Variants in TMEM248 observed in about 807,000 individuals in gnomAD.
TMEM248 encodes the protein transmembrane protein 248, also known as UPF0458 protein C7orf42.
Under a neutral mutation model 30.3 loss-of-function variants are expected in TMEM248, and 9 were observed. The ratio of observed to expected loss-of-function variants is 0.30; its 90% CI spans 0.18 to 0.52. TMEM248 has a LOEUF of 0.52. Among genes scored for constraint, TMEM248 ranks in the 20% least tolerant of loss-of-function variants. The pLI is 0.97. For synonymous variants in TMEM248, 184 were observed against 154.4 expected, an observed-to-expected ratio of 1.19 and a Z score of -1.42; for missense variants, 338 against 403.3, an observed-to-expected ratio of 0.84 and a Z score of 1.39.
chr7:66,922,849 G>T (rs1379190788), intron 1 of TMEM248, among the ~76,000 whole-genome samples: 2 of 151,458 alleles, frequency 1.3e-5, no homozygotes, highest in African/African-American at 4.8e-5. Context: ...GGGATTACAG[G>T]TGCCCGCCAC....
Position 66,921,327 on chromosome 7 carries a change from G to A in TMEM248, c.-153G>A, listed in dbSNP as rs1386690066. 6.6e-6 allele frequency: 1 copy of A among 150,976 alleles called. No individual in the cohort carries two copies. The highest frequency in any genetic ancestry group is 2.4e-5 in the African/African-American group (1 of 41,286). The allele number at this position is 150,976 out of a possible 1,614,324, so 9.4% of individuals were successfully genotyped here. A position where few individuals can be genotyped will look rare whatever the true frequency, so the allele number is the denominator to read the frequency against. On this transcript the variant is annotated 5_prime_UTR_variant, in exon 1 of 7. Coordinates refer to ENST00000341567, the MANE Select transcript of TMEM248 (RefSeq NM_017994.5). Reference sequence around the variant, plus strand: ...CCCGCGGAGCCAGACGCTGCCCCCGGCGCGGGGAGAAGATGGTGCCTAGCG... The same window carrying A: ...CCCGCGGAGCCAGACGCTGCCCCCGACGCGGGGAGAAGATGGTGCCTAGCG...
At chr7:66,950,174 C>G (rs948246700) in intron 4 of TMEM248, among the ~76,000 whole-genome samples, 2 of 149,696 alleles carry the variant, frequency 1.3e-5, no homozygotes, top group Non-Finnish European at 3.0e-5. Context: ...TTCAGTGAGC[C>G]GAGGTCACAC....
intron 1 of TMEM248, among the ~76,000 whole-genome samples, chr7:66,941,531 G>A (rs1410223280): frequency 6.7e-6 from 1 of 149,650 alleles, no homozygotes; most frequent in East Asian, 2.0e-4. Flanking sequence ...CTCTAGCCTG[G>A]GTGACAGAAC....
In TMEM248 at chr7:66,951,000, G is replaced by A; in HGVS notation, c.645G>A (p.Trp215Ter). The change falls in exon 5 of 7, where the codon TGG becomes TGA. Residue 215 changes from tryptophan (W) to a stop codon, truncating the protein, a stop_gained. Transcript: ENST00000341567. LOFTEE classifies it high-confidence loss of function. ...VPDTYSNATLWYKIFTTARDA... is the reference protein window; with the variant it reads ...VPDTYSNATL Reference sequence around the variant, plus strand: ...ACACGTACAGCAACGCCACGCTCTGGTACAAGATCTTCACAACTGCCAGAG... The same window carrying A: ...ACACGTACAGCAACGCCACGCTCTGATACAAGATCTTCACAACTGCCAGAG... The A allele has an allele frequency of 6.2e-7, 1 of 1,611,632 alleles. No homozygotes were observed. Among genetic ancestry groups the A allele is most frequent in the Non-Finnish European group, 8.5e-7 (1 of 1,179,302 alleles).
intron 1 of TMEM248, among the ~76,000 whole-genome samples, chr7:66,935,627 C>T (rs1791780887): frequency 6.6e-6 from 1 of 152,252 alleles, no homozygotes; most frequent in South Asian, 2.1e-4. Context: ...ACTACAACCT[C>T]TGCTTCCCAG....
At chr7:66,929,940 G>A (rs1425503558) in intron 1 of TMEM248, among the ~76,000 whole-genome samples, 6 of 151,990 alleles carry the variant, frequency 3.9e-5, no homozygotes, top group South Asian at 2.1e-4. Flanking sequence ...CGGGAGGATC[G>A]CTTGAGCCCA....
intron 4 of TMEM248, 134 bp downstream of exon 4, chr7:66,948,828 T>A: frequency 2.2e-6 from 2 of 922,938 alleles, no homozygotes; most frequent in Non-Finnish European, 3.1e-6. Flanking sequence ...TACTCGGACC[T>A]ATCTAAAGGA....
At chr7:66,928,893 T>A (rs781254770) in intron 1 of TMEM248, among the ~76,000 whole-genome samples, 7 of 152,132 alleles carry the variant, frequency 4.6e-5, no homozygotes, top group Non-Finnish European at 1.0e-4. Flanking sequence ...GTTCCGGTGA[T>A]CCCTCCACCT....
At chr7:66,938,958 A>G (rs982671569) in intron 1 of TMEM248, among the ~76,000 whole-genome samples, 9 of 152,346 alleles carry the variant, frequency 5.9e-5, no homozygotes, top group African/African-American at 2.2e-4. Flanking sequence ...ATAGACTAAC[A>G]CCCTATTAGT....
chr7:66,935,818 A>AT (rs1791787335), intron 1 of TMEM248, among the ~76,000 whole-genome samples: 1 of 152,168 alleles, frequency 6.6e-6, no homozygotes, highest in East Asian at 1.9e-4. Flanking sequence ...TGCTGGGATT[A>AT]CAGGCATGAG....
chr7:66,933,442 C>A (rs1165482975), intron 1 of TMEM248, among the ~76,000 whole-genome samples: 1 of 152,090 alleles, frequency 6.6e-6, no homozygotes, highest in Non-Finnish European at 1.5e-5. Flanking sequence ...TGCAAACACT[C>A]CAAAAATAAC....
At chr7:66,943,143 C>G (rs1174300566) in intron 2 of TMEM248, among the ~76,000 whole-genome samples, 1 of 152,132 alleles carries the variant, frequency 6.6e-6, no homozygotes, top group East Asian at 1.9e-4. Context: ...GCTTAATTCT[C>G]TCTCTTTTCT....
chr7:66,941,859 C>T lies in TMEM248; in HGVS notation c.-7C>T. The T allele has an allele frequency of 6.2e-7, 1 of 1,609,672 alleles. No homozygotes were observed. The highest frequency in any genetic ancestry group is 8.5e-7 in the Non-Finnish European group (1 of 1,177,574). On this transcript the variant is annotated 5_prime_UTR_variant, in exon 2 of 7. Coordinates refer to ENST00000341567, the MANE Select transcript of TMEM248 (RefSeq NM_017994.5). Reference sequence around the variant, plus strand: ...TTCATTTCTTTCAGGTGGAGCTGATCAGAATAATGTTCAGCATCAACCCCC... The same window carrying T: ...TTCATTTCTTTCAGGTGGAGCTGATTAGAATAATGTTCAGCATCAACCCCC...
chr7:66,938,963 A>G (rs1015522341), intron 1 of TMEM248, among the ~76,000 whole-genome samples: 3 of 152,272 alleles, frequency 2.0e-5, no homozygotes, highest in Non-Finnish European at 4.4e-5. Flanking sequence ...CTAACACCCT[A>G]TTAGTAACTT....
intron 1 of TMEM248, among the ~76,000 whole-genome samples, chr7:66,940,801 A>G (rs1160545753): frequency 6.6e-6 from 1 of 152,280 alleles, no homozygotes; most frequent in Non-Finnish European, 1.5e-5. Context: ...TGAGCAGGAC[A>G]GAATGTCGAA....
chr7:66,926,348 C>T (rs558981157), intron 1 of TMEM248, among the ~76,000 whole-genome samples: 3 of 152,264 alleles, frequency 2.0e-5, no homozygotes, highest in Non-Finnish European at 2.9e-5. Flanking sequence ...AGCCAGGCAC[C>T]GTGGCTTACG....
chr7:66,923,000 C>A (rs897585094), intron 1 of TMEM248, among the ~76,000 whole-genome samples: 1 of 151,974 alleles, frequency 6.6e-6, no homozygotes, highest in Non-Finnish European at 1.5e-5. Flanking sequence ...ACCACCCGCA[C>A]CTGGCATAAG....
Position 66,921,286 on chromosome 7 carries a change from T to G in TMEM248, c.-194T>G, listed in dbSNP as rs1791377397. On this transcript the variant is annotated 5_prime_UTR_variant, in exon 1 of 7. Coordinates refer to ENST00000341567, the MANE Select transcript of TMEM248 (RefSeq NM_017994.5). ...CGGCGGCGGGAGCCCGGTTGGCGTC[T>G]GGTCTTCGCGTCGGCCCCGCGGAGC... 1 of 150,176 alleles carries G rather than the reference T, an allele frequency of 6.7e-6. No homozygotes were observed. Among genetic ancestry groups the G allele is most frequent in the Non-Finnish European group, 1.5e-5 (1 of 67,460 alleles). The allele number at this position is 150,176 out of a possible 1,614,324, so 9.3% of individuals were successfully genotyped here.
chr7:66,944,393 C>T (rs117811786), intron 2 of TMEM248, among the ~76,000 whole-genome samples: 5,598 of 152,304 alleles, frequency 0.037, 160 homozygotes, highest in East Asian at 0.086. Flanking sequence ...GTGCGAGCCA[C>T]CGTACCTGGC....
Sources: allele counts gnomAD v4.1 joint callset (sites outside exome capture counted in the v4.1 genomes callset), GRCh38; gene constraint gnomAD v4.1.1; transcripts MANE v1.5; gene names NCBI Gene and HGNC (gene_info 2026-07-23, HGNC 2026-07-21).